Variants in LMBRD1 observed in about 807,000 individuals in gnomAD.
The protein encoded by LMBRD1 is lysosomal cobalamin transport escort protein LMBD1.
Under a neutral mutation model 74.8 loss-of-function variants are expected in LMBRD1, and 64 were observed. That is an observed-to-expected ratio of 0.86 (90% CI 0.70 to 1.05). The LOEUF (loss-of-function observed/expected upper bound fraction) is 1.05, where lower values mean the gene tolerates loss of function less well. Among genes scored for constraint, LMBRD1 ranks in the 50% least tolerant of loss-of-function variants. LMBRD1 has a pLI of 0.00. For synonymous variants in LMBRD1, 204 were observed against 216.3 expected, an observed-to-expected ratio of 0.94 and a Z score of 0.50; for missense variants, 652 against 645.9, an observed-to-expected ratio of 1.01 and a Z score of -0.10.
At chr6:69,680,632 TA>T (rs1765640083) in intron 14 of LMBRD1, among the ~76,000 whole-genome samples, 1 of 152,108 alleles carries the variant, frequency 6.6e-6, no homozygotes, top group African/African-American at 2.4e-5. Flanking sequence ...TAAAATACCA[TA>T]AAAATGTATC....
In LMBRD1 at chr6:69,718,981, T is replaced by C. The variant is rs1349974586; in HGVS notation, c.737A>G (p.Gln246Arg). 61 of 1,613,426 alleles carry C rather than the reference T, an allele frequency of 3.8e-5. No individual in the cohort carries two copies. Among genetic ancestry groups the C allele is most frequent in the Non-Finnish European group, 5.0e-5 (59 of 1,179,652 alleles). ...TTTTGATTTAATCGTTTGAATGTGT[T>C]GTTCTACTTCTTCAATGTCTTCAGT... Reference protein sequence around the residue: ...ENTEDIEEVEQHIQTIKSKSK... With the variant: ...ENTEDIEEVERHIQTIKSKSK... The change falls in exon 8 of 16, where the codon CAA becomes CGA. Residue 246 changes from glutamine to arginine, a missense_variant. This residue lies in a region of LMBRD1 where 598 missense variants were observed against 581.8 expected (regional missense o/e 1.03). Transcript: ENST00000649934.
At chr6:69,680,306 C>T (rs1765633801) in intron 14 of LMBRD1, among the ~76,000 whole-genome samples, 1 of 152,092 alleles carries the variant, frequency 6.6e-6, no homozygotes, top group South Asian at 2.1e-4. Flanking sequence ...CTCAATACTG[C>T]TAATGCTGTA....
At chr6:69,717,781 G>A (rs1257820023) in intron 8 of LMBRD1, among the ~76,000 whole-genome samples, 4 of 152,022 alleles carry the variant, frequency 2.6e-5, no homozygotes, top group Non-Finnish European at 4.4e-5. Context: ...CACTGCAGCC[G>A]CAACTTCCTG....
rs1766052766 is a variant in LMBRD1, at chr6:69,790,372, G to A, written c.170C>T (p.Ala57Val). ...TITAIFSLAI[A>V]LITSALLPVD... ...TGGTAGAAGTGCTGATGTGATAAGT[G>A]CAATTGCTAGAGAAAAAATTGCTGT... Residue 57 changes from alanine to valine, a missense_variant, in exon 2 of 16, where the codon GCA (alanine) becomes GTA (valine). Physicochemically the swap from Ala to Val is moderately conservative, Grantham distance 64 (BLOSUM62 0). Transcript: ENST00000649934. 1 of 1,613,522 alleles carries A rather than the reference G, an allele frequency of 6.2e-7. No individual in the cohort carries two copies. The highest frequency in any genetic ancestry group is 1.3e-5 in the African/African-American group (1 of 74,908).
intron 5 of LMBRD1, among the ~76,000 whole-genome samples, 158 bp from the exon 6 acceptor site, chr6:69,742,035 C>T (rs545188373): frequency 6.6e-6 from 1 of 152,204 alleles, no homozygotes; most frequent in Non-Finnish European, 1.5e-5. Flanking sequence ...CATTTACTTC[C>T]TTGTAAATTT....
intron 14 of LMBRD1, among the ~76,000 whole-genome samples, chr6:69,681,758 C>T (rs980587): frequency 0.12 from 17,634 of 151,858 alleles, 2,841 homozygotes; most frequent in African/African-American, 0.36. Flanking sequence ...CTCTTGGCTG[C>T]CCATGACTGT....
intron 7 of LMBRD1, among the ~76,000 whole-genome samples, chr6:69,720,986 T>C (rs2149857742): frequency 6.6e-6 from 1 of 152,304 alleles, no homozygotes; most frequent in Middle Eastern, 3.4e-3. Context: ...TGCTGTCCTA[T>C]CACCGTTGAC....
At chr6:69,771,498 C>A (rs747006355) in intron 3 of LMBRD1, among the ~76,000 whole-genome samples, 1 of 152,072 alleles carries the variant, frequency 6.6e-6, no homozygotes, top group Non-Finnish European at 1.5e-5. Context: ...CTTTGGCAGA[C>A]GCAAATCTCT....
intron 1 of LMBRD1, among the ~76,000 whole-genome samples, chr6:69,795,064 G>GGTGGATCACTGTTTCTGACTAC (rs1170961249): frequency 1.3e-4 from 20 of 152,290 alleles, no homozygotes; most frequent in Admixed American, 1.2e-3. Context: ...TATCATTGCA[G>GGTGGATCACTGTTTCTGACTAC]CTGTATTTTC....
intron 14 of LMBRD1, among the ~76,000 whole-genome samples, chr6:69,690,422 T>C (rs1212940385): frequency 6.6e-6 from 1 of 152,112 alleles, no homozygotes; most frequent in African/African-American, 2.4e-5. Context: ...AGAATACAAT[T>C]ACTTTGCAAA....
intron 3 of LMBRD1, among the ~76,000 whole-genome samples, chr6:69,769,704 C>G (rs144930205): frequency 6.6e-6 from 1 of 150,882 alleles, no homozygotes; most frequent in African/African-American, 2.4e-5. Flanking sequence ...AAGTGTGCAA[C>G]TGCTGATGTG....
rs1462983206 is a variant in LMBRD1 at position 69,764,272 on chromosome 6, G to T, written c.308-11916C>A. On this transcript the variant is annotated intron_variant, in intron 3 of 15. Coordinates refer to ENST00000649934, the MANE Select transcript of LMBRD1 (RefSeq NM_018368.4). ...GCATGATGTTAGGGCCCCTGTGATG[G>T]CATTAGTGTCCTTATAAGAAGAGAA... 2.0e-5 allele frequency among the ~76,000 whole-genome samples: 3 copies of T among 152,042 alleles called. No individual in the cohort carries two copies. In the South Asian group the frequency reaches 6.2e-4, roughly 31 times the overall value.
intron 9 of LMBRD1, among the ~76,000 whole-genome samples, chr6:69,709,600 T>G (rs1437918538): frequency 2.0e-5 from 3 of 152,104 alleles, no homozygotes; most frequent in Admixed American, 2.0e-4. Flanking sequence ...CAATTACAAA[T>G]CTTATAAGGA....
At position 69,701,534 on chromosome 6, in the gene LMBRD1, G is replaced by A. The variant is rs763459076; in HGVS notation, c.992C>T (p.Ala331Val). Residue 331 changes from alanine to valine, a missense_variant, in exon 11 of 16, where the codon GCT becomes GTT. Transcript: ENST00000649934. ...ISLFLSNLDK[A>V]LHSAGIDSGF... ...AGAATCTATTCCAGCTGAATGAAGAGCTTTATCTAAACTAAAAAAAATTAC... is the reference window on the plus strand; with the variant it reads ...AGAATCTATTCCAGCTGAATGAAGAACTTTATCTAAACTAAAAAAAATTAC... 1 of 1,594,844 alleles carries A rather than the reference G, an allele frequency of 6.3e-7. No individual in the cohort carries two copies. The highest frequency in any genetic ancestry group is 8.6e-7 in the Non-Finnish European group (1 of 1,165,340).
chr6:69,769,780 A>G (rs2149887241), intron 3 of LMBRD1, among the ~76,000 whole-genome samples: 1 of 151,714 alleles, frequency 6.6e-6, no homozygotes, highest in East Asian at 1.9e-4. Flanking sequence ...TCAAAAAAAT[A>G]TATATTTATT....
At chr6:69,713,202 T>C (rs1427794742) in intron 9 of LMBRD1, among the ~76,000 whole-genome samples, 1 of 152,004 alleles carries the variant, frequency 6.6e-6, no homozygotes, top group Non-Finnish European at 1.5e-5. Context: ...TCCAACATAG[T>C]GCTGGAAAAA....
intron 9 of LMBRD1, among the ~76,000 whole-genome samples, chr6:69,710,871 G>C (rs1028049280): frequency 7.9e-5 from 12 of 152,016 alleles, no homozygotes; most frequent in South Asian, 2.1e-4. Flanking sequence ...AATGCAAAAC[G>C]GTTGTAACCC....
At chr6:69,776,472 T>TA (rs1765708256) in intron 3 of LMBRD1, among the ~76,000 whole-genome samples, 1 of 152,118 alleles carries the variant, frequency 6.6e-6, no homozygotes, top group Non-Finnish European at 1.5e-5. Flanking sequence ...TGAAGGAAAA[T>TA]ATGTATACAG....
chr6:69,756,646 A>G (rs1255237474), intron 3 of LMBRD1, among the ~76,000 whole-genome samples: 1 of 152,222 alleles, frequency 6.6e-6, no homozygotes, highest in African/African-American at 2.4e-5. Context: ...GCAATAAAGT[A>G]TAACAACTTA....
Sources: gnomAD v4.1 joint callset for allele counts (sites outside exome capture counted in the v4.1 genomes callset) on GRCh38, gnomAD v4.1.1 for gene constraint, gnomAD v4.1.1 regional missense constraint, MANE v1.5 for transcripts, NCBI Gene and HGNC (gene_info 2026-07-23, HGNC 2026-07-21) for gene names.